Variants in LHFPL6 observed in about 807,000 individuals in gnomAD.
LHFPL6 encodes LHFPL tetraspan subfamily member 6.
In LHFPL6, 9 loss-of-function variants were observed where a neutral mutation model predicts 20.6. That is an observed-to-expected ratio of 0.44 (90% confidence interval 0.26 to 0.76). The LOEUF is 0.76. Among genes scored for constraint, LHFPL6 ranks in the 30% least tolerant of loss-of-function variants. The pLI, the probability that LHFPL6 is intolerant of heterozygous loss-of-function variation, is 0.20. For missense variants in LHFPL6, 218 were observed against 253.5 expected (o/e 0.86, Z 0.95); for synonymous variants, 105 against 98.7 (o/e 1.06, Z -0.38).
At chr13:39,362,755 C>A (rs1034690785) in intron 3 of LHFPL6, among the ~76,000 whole-genome samples, 3 of 152,214 alleles carry the variant, frequency 2.0e-5, no homozygotes, top group African/African-American at 7.2e-5. Context: ...AACTTCATCC[C>A]ATTCCTGCCA....
chr13:39,506,642 A>G (rs1024777709), intron 2 of LHFPL6, among the ~76,000 whole-genome samples: 1 of 152,120 alleles, frequency 6.6e-6, no homozygotes, highest in African/African-American at 2.4e-5. Context: ...TCATTCTGTC[A>G]GCTCCTTAAG....
chr13:39,563,809 C>T (rs1182983616), intron 2 of LHFPL6, among the ~76,000 whole-genome samples: 1 of 152,070 alleles, frequency 6.6e-6, no homozygotes, highest in East Asian at 1.9e-4. Flanking sequence ...ATAAAGTGTA[C>T]CAGCTAACTC....
intron 2 of LHFPL6, among the ~76,000 whole-genome samples, chr13:39,568,800 G>T (rs1216354841): frequency 6.6e-6 from 1 of 152,118 alleles, no homozygotes; most frequent in Non-Finnish European, 1.5e-5. Flanking sequence ...TCCAGAGATG[G>T]ACTCTTGCTT....
At chr13:39,495,343 T>C (rs1049689226) in intron 2 of LHFPL6, among the ~76,000 whole-genome samples, 5 of 152,224 alleles carry the variant, frequency 3.3e-5, no homozygotes, top group Non-Finnish European at 5.9e-5. Context: ...ACCGGTTGAT[T>C]TCATTTAATA....
At chr13:39,351,888 A>C (rs146788487) in intron 3 of LHFPL6, among the ~76,000 whole-genome samples, 115 of 152,248 alleles carry the variant, frequency 7.6e-4, no homozygotes, top group Non-Finnish European at 1.4e-3. Flanking sequence ...TTTTGTCTAT[A>C]AATTTGTACT....
chr13:39,571,638 A>AGTAAGGCT (rs1476503035), intron 2 of LHFPL6, among the ~76,000 whole-genome samples: 1 of 152,060 alleles, frequency 6.6e-6, no homozygotes, highest in Non-Finnish European at 1.5e-5. Context: ...GCGGGTATCC[A>AGTAAGGCT]GTAAGGCTGT....
intron 2 of LHFPL6, among the ~76,000 whole-genome samples, chr13:39,591,958 T>C (rs1251471835): frequency 6.6e-6 from 1 of 151,962 alleles, no homozygotes; most frequent in Non-Finnish European, 1.5e-5. Flanking sequence ...TAGCCAGGCA[T>C]GATGGCAGGC....
At chr13:39,350,760 G>A (rs1869544250) in intron 3 of LHFPL6, among the ~76,000 whole-genome samples, 6 of 152,206 alleles carry the variant, frequency 3.9e-5, no homozygotes, top group Admixed American at 3.9e-4. Context: ...AGATAAAATA[G>A]AGGTTAATGG....
chr13:39,450,479 T>G (rs866245845), intron 2 of LHFPL6, among the ~76,000 whole-genome samples: 19 of 152,290 alleles, frequency 1.2e-4, no homozygotes, highest in Middle Eastern at 6.8e-3. Context: ...TTAAAAGGCT[T>G]AAAACAATAT....
chr13:39,369,758 G>A (rs973536645), intron 3 of LHFPL6, among the ~76,000 whole-genome samples: 1 of 151,914 alleles, frequency 6.6e-6, no homozygotes. Flanking sequence ...TGCCTAGAAT[G>A]TGCTTAATAA....
chr13:39,488,401 C>A (rs1354702218), intron 2 of LHFPL6, among the ~76,000 whole-genome samples: 2 of 152,144 alleles, frequency 1.3e-5, no homozygotes, highest in Non-Finnish European at 2.9e-5. Flanking sequence ...TAAATGTGAG[C>A]TCTGCGAACA....
At position 39,407,283 on chromosome 13, in the gene LHFPL6, C is replaced by T. The variant is rs145844942; in HGVS notation, c.386-28757G>A. ...CTCCAATCCTTTTATAGATACTCTG[C>T]CTGAGAAAGAACTCCCAGGGCAGAG... is the stretch of plus-strand genomic sequence containing the variant. On this transcript the variant is annotated intron_variant, in intron 2 of 3. Transcript: ENST00000379589. Among the ~76,000 whole-genome samples, 399 of 152,260 alleles carry T rather than the reference C, an allele frequency of 2.6e-3. 11 individuals are homozygous for T. The East Asian group carries it at 0.044, about 17-fold the overall frequency.
intron 2 of LHFPL6, among the ~76,000 whole-genome samples, chr13:39,476,887 G>C (rs1873097511): frequency 6.6e-6 from 1 of 152,214 alleles, no homozygotes; most frequent in African/African-American, 2.4e-5. Context: ...TCATTAAATG[G>C]GAGGCCCATT....
chr13:39,589,992 C>T (rs560688802), intron 2 of LHFPL6, among the ~76,000 whole-genome samples: 1 of 152,168 alleles, frequency 6.6e-6, no homozygotes, highest in South Asian at 2.1e-4. Context: ...TAAGAATATT[C>T]CCTTATGTTG....
At chr13:39,586,746 CT>C (rs1872460684) in intron 2 of LHFPL6, among the ~76,000 whole-genome samples, 1 of 152,188 alleles carries the variant, frequency 6.6e-6, no homozygotes. Context: ...AGGCCTGTAA[CT>C]GCCTTTCCTG....
chr13:39,514,125 A>G (rs1308558431), intron 2 of LHFPL6, among the ~76,000 whole-genome samples: 4 of 152,136 alleles, frequency 2.6e-5, no homozygotes, highest in Non-Finnish European at 4.4e-5. Flanking sequence ...TGATCATTTA[A>G]ACTGGCCAAA....
chr13:39,532,042 C>T (rs1384004511), intron 2 of LHFPL6, among the ~76,000 whole-genome samples: 1 of 152,120 alleles, frequency 6.6e-6, no homozygotes, highest in African/African-American at 2.4e-5. Context: ...ATGCCAACAG[C>T]AGGAATGTAA....
intron 2 of LHFPL6, among the ~76,000 whole-genome samples, chr13:39,520,875 C>T (rs150699082): frequency 1.3e-5 from 2 of 152,172 alleles, no homozygotes; most frequent in African/African-American, 2.4e-5. Flanking sequence ...TGGGTCTGGA[C>T]GTTGGTATTT....
At chr13:39,585,289 T>G (rs1053785820) in intron 2 of LHFPL6, among the ~76,000 whole-genome samples, 1 of 152,186 alleles carries the variant, frequency 6.6e-6, no homozygotes, top group Non-Finnish European at 1.5e-5. Flanking sequence ...CACAGAATCA[T>G]AACATTTACA....
Sources: allele counts gnomAD v4.1 joint callset (sites outside exome capture counted in the v4.1 genomes callset), GRCh38; gene constraint gnomAD v4.1.1; transcripts MANE v1.5; gene names NCBI Gene and HGNC (gene_info 2026-07-23, HGNC 2026-07-21).